Variants in CLNS1A observed in about 807,000 individuals in gnomAD.
CLNS1A encodes the protein methylosome subunit pICln.
CLNS1A carries 16 observed loss-of-function variants against 29.4 expected under a neutral mutation model. That is an observed-to-expected ratio of 0.54 (90% CI 0.37 to 0.83). The LOEUF is 0.83. Ranked by LOEUF, CLNS1A falls within the 40% of genes least tolerant of loss-of-function variation. The pLI is 0.00. For missense variants in CLNS1A, 235 were observed against 287.4 expected (o/e 0.82, Z 1.32); for synonymous variants, 96 against 104.8 (o/e 0.92, Z 0.51).
chr11:77,618,534 C>T (rs1002446078), intron 6 of CLNS1A: 1 of 152,132 alleles, frequency 6.6e-6, no homozygotes, highest in African/African-American at 2.4e-5. Context: ...TCATAGAACT[C>T]TAAGAGGTTA....
At chr11:77,622,807 G>A in intron 4 of CLNS1A, 134 bp from the exon 5 acceptor site, 1 of 636,360 alleles carries the variant, frequency 1.6e-6, no homozygotes, top group Non-Finnish European at 2.5e-6. Context: ...AATTAGCCAG[G>A]CGTGGTGGCA....
intron 6 of CLNS1A, 64 bp downstream of exon 6, chr11:77,619,542 G>C: frequency 9.0e-7 from 1 of 1,107,998 alleles, no homozygotes; most frequent in Non-Finnish European, 1.4e-6. Context: ...ATTTTAAAAA[G>C]TAGAAAGTAA....
At chr11:77,635,049 C>G (rs1959110416) in intron 1 of CLNS1A, among the ~76,000 whole-genome samples, 1 of 152,212 alleles carries the variant, frequency 6.6e-6, no homozygotes, top group African/African-American at 2.4e-5. Context: ...AAGGGATCTG[C>G]TCACCTTGGC....
Position 77,615,550 on chromosome 11 carries a change from A to G in CLNS1A, c.*1168T>C, listed in dbSNP as rs2135756208. 6.6e-6 allele frequency: 1 copy of G among 152,340 alleles called. No homozygotes were observed. Among genetic ancestry groups the G allele is most frequent in the African/African-American group, 2.4e-5 (1 of 41,576 alleles). The allele number at this position is 152,340 out of a possible 1,614,324, so 9.4% of individuals were successfully genotyped here. On this transcript the variant is annotated 3_prime_UTR_variant, in exon 7 of 7. Transcript: ENST00000525428. ...TATAATACATAATAAAGAACTCAGGACAGTGGCTAGTACAGAGGTCTCAGT... is the reference window on the plus strand; with the variant it reads ...TATAATACATAATAAAGAACTCAGGGCAGTGGCTAGTACAGAGGTCTCAGT...
chr11:77,626,715 G>A lies in CLNS1A; in HGVS notation c.263-897C>T, dbSNP rs572518469. Among the ~76,000 whole-genome samples the A allele has an allele frequency of 4.4e-3, 657 of 149,882 alleles. 4 individuals carry two copies. The highest frequency in any genetic ancestry group is 0.014 in the South Asian group (67 of 4,716). ...ATGGTCATTTTTTTTTTTTTGAGACGGAGTCTTGCTCTGTCGCCCAGGCTG... is the reference window on the plus strand; with the variant it reads ...ATGGTCATTTTTTTTTTTTTGAGACAGAGTCTTGCTCTGTCGCCCAGGCTG... On this transcript the variant is annotated intron_variant, in intron 2 of 6. Transcript: ENST00000525428.
At chr11:77,635,148 C>T (rs948501864) in intron 1 of CLNS1A, among the ~76,000 whole-genome samples, 3 of 152,090 alleles carry the variant, frequency 2.0e-5, no homozygotes, top group South Asian at 4.1e-4. Context: ...AAGAGTTATA[C>T]TTCCTTAGTA....
At position 77,625,090 on chromosome 11, in the gene CLNS1A, T is replaced by A; in HGVS notation, c.365-20A>T. 6.5e-7 allele frequency: 1 copy of A among 1,533,730 alleles called. No individual in the cohort carries two copies. Among genetic ancestry groups the A allele is most frequent in the Non-Finnish European group, 9.0e-7 (1 of 1,115,292 alleles). On this transcript the variant is annotated intron_variant, in intron 3 of 6. Coordinates refer to ENST00000525428, the MANE Select transcript of CLNS1A (RefSeq NM_001293.3). The stretch of plus-strand genomic sequence containing the variant: ...CCTCCACTGAACAAGGAAATTAAAC[T>A]GTAACCAATCTTTTTTTGTAATAAA...
At chr11:77,636,931 G>A (rs1289987622) in intron 1 of CLNS1A, among the ~76,000 whole-genome samples, 1 of 152,052 alleles carries the variant, frequency 6.6e-6, no homozygotes. Flanking sequence ...AAATACCAAA[G>A]TGCTCCACGT....
chr11:77,636,472 GT>G (rs1959126899), intron 1 of CLNS1A, among the ~76,000 whole-genome samples: 1 of 152,142 alleles, frequency 6.6e-6, no homozygotes, highest in Admixed American at 6.5e-5. Context: ...TCCTATCTCA[GT>G]TTCTGGCCTG....
chr11:77,629,256 T>G (rs986657663), intron 2 of CLNS1A, among the ~76,000 whole-genome samples: 1 of 152,132 alleles, frequency 6.6e-6, no homozygotes, highest in South Asian at 2.1e-4. Context: ...TATAGAGAAA[T>G]ATATACAGAC....
chr11:77,626,273 G>A (rs2135768594), intron 2 of CLNS1A, among the ~76,000 whole-genome samples: 2 of 152,200 alleles, frequency 1.3e-5, no homozygotes, highest in East Asian at 1.9e-4. Context: ...TTTTGAGATG[G>A]GGTCTTACGA....
chr11:77,620,501 C>T (rs187416593), intron 5 of CLNS1A, among the ~76,000 whole-genome samples: 6 of 152,266 alleles, frequency 3.9e-5, no homozygotes, highest in South Asian at 4.1e-4. Context: ...ACAAGCCCCA[C>T]GGAAAGAGTT....
At chr11:77,637,299 AAG>A (rs1381523241) in intron 1 of CLNS1A, among the ~76,000 whole-genome samples, 1 of 147,512 alleles carries the variant, frequency 6.8e-6, no homozygotes, top group East Asian at 2.0e-4. Flanking sequence ...AGAAGAAAGA[AAG>A]AGAGAAAGAG....
chr11:77,622,749 G>A (rs1214197506), intron 4 of CLNS1A, 76 bp from the exon 5 acceptor site: 12 of 1,130,928 alleles, frequency 1.1e-5, no homozygotes, highest in South Asian at 5.2e-5. Flanking sequence ...TATATCTGCC[G>A]CCAGCCTGGC....
chr11:77,622,955 A>AG (rs1168579636), intron 4 of CLNS1A, among the ~76,000 whole-genome samples: 1 of 151,668 alleles, frequency 6.6e-6, no homozygotes, highest in East Asian at 1.9e-4. Flanking sequence ...CTTGGAAAAA[A>AG]AAAAAAAAAA....
chr11:77,623,733 G>A (rs555340973), intron 4 of CLNS1A, among the ~76,000 whole-genome samples: 3 of 152,242 alleles, frequency 2.0e-5, no homozygotes, highest in African/African-American at 7.2e-5. Context: ...GTTTATCTCA[G>A]GCCAGGAAGT....
intron 2 of CLNS1A, among the ~76,000 whole-genome samples, chr11:77,627,845 T>G (rs1190468085): frequency 6.6e-6 from 1 of 152,050 alleles, no homozygotes; most frequent in African/African-American, 2.4e-5. Context: ...TTTTCTTTTC[T>G]TCGACCGTTT....
At chr11:77,636,578 C>T (rs1457696934) in intron 1 of CLNS1A, among the ~76,000 whole-genome samples, 2 of 152,120 alleles carry the variant, frequency 1.3e-5, no homozygotes, top group Non-Finnish European at 2.9e-5. Flanking sequence ...AGAATTTTGG[C>T]CCCACGACCT....
intron 2 of CLNS1A, among the ~76,000 whole-genome samples, chr11:77,626,910 T>C (rs1450297299): frequency 3.3e-5 from 5 of 149,450 alleles, no homozygotes; most frequent in Non-Finnish European, 7.4e-5. Flanking sequence ...TTAGCCAGAA[T>C]GGTCTTGATC....
Sources: allele counts gnomAD v4.1 joint callset (sites outside exome capture counted in the v4.1 genomes callset), GRCh38; gene constraint gnomAD v4.1.1; transcripts MANE v1.5; gene names NCBI Gene and HGNC (gene_info 2026-07-23, HGNC 2026-07-21).